Variants in GRB14 observed in about 807,000 individuals in gnomAD.
GRB14 encodes growth factor receptor-bound protein 14.
In GRB14, 38 loss-of-function variants were observed where a neutral mutation model predicts 69.1. The observed-to-expected ratio is 0.55, with a 90% confidence interval of 0.42 to 0.72. GRB14 has a LOEUF of 0.72. GRB14 is among the 30% of genes least tolerant of loss of function. The pLI is 0.00. For missense variants in GRB14, 666 were observed against 666.1 expected, an observed-to-expected ratio of 1.00 and a Z score of 0.00; for synonymous variants, 247 against 241.3, an observed-to-expected ratio of 1.02 and a Z score of -0.22.
chr2:164,606,419 C>A (rs948206396), intron 2 of GRB14, among the ~76,000 whole-genome samples: 2 of 152,164 alleles, frequency 1.3e-5, no homozygotes, highest in Non-Finnish European at 2.9e-5. Context: ...GCGGGTAAAT[C>A]TGTATTGAAG....
At chr2:164,575,240 G>C (rs1335941091) in intron 2 of GRB14, among the ~76,000 whole-genome samples, 1 of 151,928 alleles carries the variant, frequency 6.6e-6, no homozygotes, top group Non-Finnish European at 1.5e-5. Flanking sequence ...AATTATAAAG[G>C]CAACGGACAA....
chr2:164,576,802 T>C (rs1283981227), intron 2 of GRB14, among the ~76,000 whole-genome samples: 3 of 144,170 alleles, frequency 2.1e-5, no homozygotes, highest in South Asian at 2.2e-4. Context: ...AACTAATAAA[T>C]ATAAAAGTAG....
At chr2:164,573,038 T>C (rs1297543406) in intron 2 of GRB14, among the ~76,000 whole-genome samples, 1 of 152,194 alleles carries the variant, frequency 6.6e-6, no homozygotes. Context: ...CAAGCAGCCA[T>C]CCCTCCATAT....
intron 2 of GRB14, among the ~76,000 whole-genome samples, chr2:164,597,098 T>A (rs1395644507): frequency 6.6e-6 from 1 of 152,090 alleles, no homozygotes; most frequent in Non-Finnish European, 1.5e-5. Context: ...AAGAAGAAAA[T>A]TCCTCAGCAT....
intron 3 of GRB14, among the ~76,000 whole-genome samples, chr2:164,535,343 G>A (rs938925747): frequency 6.6e-6 from 1 of 152,144 alleles, no homozygotes; most frequent in Non-Finnish European, 1.5e-5. Flanking sequence ...TTCTGAAACT[G>A]TTGATTTAAC....
intron 2 of GRB14, among the ~76,000 whole-genome samples, chr2:164,610,368 C>T (rs1690138866): frequency 6.6e-6 from 1 of 152,080 alleles, no homozygotes; most frequent in Admixed American, 6.6e-5. Flanking sequence ...TGGGCACTCA[C>T]TTATAATTAT....
rs985042888 is a variant in GRB14, at chr2:164,524,890, A to G, written c.678+114T>C. On this transcript the variant is annotated intron_variant, in intron 5 of 13. Coordinates refer to ENST00000263915, the MANE Select transcript of GRB14 (RefSeq NM_004490.3). The stretch of plus-strand genomic sequence containing the variant: ...TTTAGTTTTACCTCCAGCAAAAAAT[A>G]TTAATAATAATTCAAAGCATAACTT... 4.7e-5 allele frequency: 28 copies of G among 597,130 alleles called. No individual in the cohort carries two copies. The African/African-American group carries it at 5.3e-4, about 11-fold the overall frequency. The allele number at this position is 597,130 out of a possible 1,614,324, so 37.0% of individuals were successfully genotyped here.
At chr2:164,528,456 A>G (rs2105290243) in intron 3 of GRB14, among the ~76,000 whole-genome samples, 1 of 152,268 alleles carries the variant, frequency 6.6e-6, no homozygotes, top group African/African-American at 2.4e-5. Flanking sequence ...GAAATTCAAC[A>G]TTCAGTAGTG....
chr2:164,584,761 T>C (rs1231284184), intron 2 of GRB14, among the ~76,000 whole-genome samples: 1 of 152,156 alleles, frequency 6.6e-6, no homozygotes, highest in Non-Finnish European at 1.5e-5. Flanking sequence ...CAAACCACCA[T>C]ACAATGTCTT....
chr2:164,583,065 C>A (rs1358665583), intron 2 of GRB14, among the ~76,000 whole-genome samples: 1 of 152,138 alleles, frequency 6.6e-6, no homozygotes, highest in East Asian at 1.9e-4. Flanking sequence ...TACTAAAATT[C>A]TTTTACTATG....
At chr2:164,576,410 A>T (rs535051247) in intron 2 of GRB14, among the ~76,000 whole-genome samples, 93 of 142,950 alleles carry the variant, frequency 6.5e-4, no homozygotes, top group African/African-American at 2.8e-3. Context: ...AAATTGGTTT[A>T]AAAAAAAACT....
chr2:164,618,258 G>T (rs1005163408), intron 2 of GRB14, among the ~76,000 whole-genome samples: 3 of 151,014 alleles, frequency 2.0e-5, no homozygotes, highest in African/African-American at 7.3e-5. Context: ...ACAGGCGTGA[G>T]CCACCGCACC....
intron 6 of GRB14, among the ~76,000 whole-genome samples, chr2:164,520,795 A>G (rs1415325685): frequency 2.0e-5 from 3 of 152,216 alleles, no homozygotes; most frequent in African/African-American, 7.2e-5. Flanking sequence ...AATGCAAATC[A>G]AAATCACAAT....
chr2:164,518,611 T>C (rs1687553539), intron 6 of GRB14, among the ~76,000 whole-genome samples: 1 of 151,984 alleles, frequency 6.6e-6, no homozygotes, highest in Non-Finnish European at 1.5e-5. Flanking sequence ...ATAAAATTGA[T>C]AGACCATTAG....
intron 2 of GRB14, among the ~76,000 whole-genome samples, chr2:164,569,882 C>T (rs772174424): frequency 3.3e-5 from 5 of 152,070 alleles, no homozygotes; most frequent in Non-Finnish European, 7.4e-5. Context: ...AAAGCAAATA[C>T]CAACTAATAC....
At chr2:164,579,629 A>G (rs115735149) in intron 2 of GRB14, among the ~76,000 whole-genome samples, 143 of 152,262 alleles carry the variant, frequency 9.4e-4, no homozygotes, top group African/African-American at 3.3e-3. Flanking sequence ...GAGAGAACCC[A>G]CATAGACATA....
intron 3 of GRB14, among the ~76,000 whole-genome samples, chr2:164,532,849 G>T (rs975218354): frequency 3.3e-5 from 5 of 152,156 alleles, no homozygotes; most frequent in African/African-American, 1.2e-4. Context: ...TTTACAGATA[G>T]AAACAGAGGT....
At chr2:164,546,370 T>C (rs545536600) in intron 3 of GRB14, among the ~76,000 whole-genome samples, 2 of 152,224 alleles carry the variant, frequency 1.3e-5, no homozygotes, top group South Asian at 4.1e-4. Flanking sequence ...TATACTAAAA[T>C]AAACAGAAAA....
intron 6 of GRB14, among the ~76,000 whole-genome samples, chr2:164,516,591 A>C (rs1687493459): frequency 6.6e-6 from 1 of 152,204 alleles, no homozygotes; most frequent in Admixed American, 6.5e-5. Flanking sequence ...CTCCTTAAAC[A>C]AAATAATTAT....
Sources: allele counts gnomAD v4.1 joint callset (sites outside exome capture counted in the v4.1 genomes callset), GRCh38; gene constraint gnomAD v4.1.1; transcripts MANE v1.5; gene names NCBI Gene and HGNC (gene_info 2026-07-23, HGNC 2026-07-21).